Variants in TMEM114 observed in about 807,000 individuals in gnomAD.
TMEM114 encodes claudin-26.
A neutral mutation model predicts 6.2 loss-of-function variants in TMEM114; 6 were observed. That is an observed-to-expected ratio of 0.97 (90% CI 0.53 to 1.91). The LOEUF is 1.91. Ranked by LOEUF, TMEM114 falls within the 40% of genes most tolerant of loss-of-function variation. The pLI, the probability that TMEM114 is intolerant of heterozygous loss-of-function variation, is 0.01. For synonymous variants in TMEM114, 104 were observed against 73.0 expected, an observed-to-expected ratio of 1.42 and a Z score of -2.16; for missense variants, 218 against 158.3, an observed-to-expected ratio of 1.38 and a Z score of -2.02.
chr16:8,578,418 C>G (rs371696597), intron 2 of TMEM114, among the ~76,000 whole-genome samples: 1 of 152,164 alleles, frequency 6.6e-6, no homozygotes. Flanking sequence ...TCCATCCACA[C>G]GTGGCCACCT....
intron 2 of TMEM114, among the ~76,000 whole-genome samples, chr16:8,560,605 C>T (rs1233518262): frequency 6.6e-6 from 1 of 152,202 alleles, no homozygotes; most frequent in East Asian, 1.9e-4. Context: ...GATTCTGAGG[C>T]TGGAGTTCGA....
intron 2 of TMEM114, among the ~76,000 whole-genome samples, chr16:8,564,168 A>C (rs1901420518): frequency 6.6e-6 from 1 of 151,526 alleles, no homozygotes; most frequent in South Asian, 2.1e-4. Flanking sequence ...TGAATGAGTG[A>C]GTAAATGAGT....
At chr16:8,530,700 G>C in the TMEM114 span, among the ~76,000 whole-genome samples, 2 of 151,866 alleles carry the variant, frequency 1.3e-5, no homozygotes, top group African/African-American at 2.4e-5. Context: ...GGGAGGGAGA[G>C]AGAGAATTGG....
chr16:8,548,604 C>A (rs952595372), intron 2 of TMEM114, among the ~76,000 whole-genome samples: 1 of 151,566 alleles, frequency 6.6e-6, no homozygotes, highest in South Asian at 2.1e-4. Flanking sequence ...TTTTCACCCC[C>A]TAAGAGCAAA....
intron 2 of TMEM114, among the ~76,000 whole-genome samples, chr16:8,550,891 G>A (rs1054925777): frequency 2.6e-5 from 4 of 152,134 alleles, no homozygotes; most frequent in Admixed American, 2.6e-4. Context: ...CTCTCCTCCT[G>A]AGAGAACCGC....
chr16:8,555,526 G>T (rs532013394), intron 2 of TMEM114, among the ~76,000 whole-genome samples: 1 of 152,326 alleles, frequency 6.6e-6, no homozygotes, highest in East Asian at 1.9e-4. Context: ...TCTGGGTGTT[G>T]TCATGGCAAT....
intron 2 of TMEM114, among the ~76,000 whole-genome samples, chr16:8,564,004 AGTGAATGAGTAT>A (rs1353063290): frequency 1.3e-5 from 2 of 151,482 alleles, no homozygotes; most frequent in South Asian, 2.1e-4. Context: ...GGAATGAGTG[AGTGAATGAGTAT>A]GTGAATGAGT....
chr16:8,567,066 A>AATT (rs1045389642), downstream of TMEM114, among the ~76,000 whole-genome samples: 131 of 144,442 alleles, frequency 9.1e-4, no homozygotes, highest in South Asian at 4.2e-3. Context: ...ACAGCTGGCT[A>AATT]TTTTTTTTTT....
chr16:8,571,020 T>C (rs958392195), intron 3 of TMEM114, among the ~76,000 whole-genome samples: 2 of 152,064 alleles, frequency 1.3e-5, no homozygotes, highest in African/African-American at 4.8e-5. Flanking sequence ...TAATAGTGAG[T>C]GGTTAGAGGA....
downstream of TMEM114, among the ~76,000 whole-genome samples, chr16:8,535,701 A>C (rs1276867554): frequency 1.9e-4 from 29 of 152,186 alleles, no homozygotes; most frequent in Non-Finnish European, 2.9e-5. Context: ...TGGGAACGTC[A>C]CCTGCAAATT....
downstream of TMEM114, among the ~76,000 whole-genome samples, chr16:8,565,700 C>G (rs1008313602): frequency 4.6e-5 from 7 of 152,200 alleles, no homozygotes; most frequent in African/African-American, 1.7e-4. Context: ...GCAGGCCGGT[C>G]CGTTCACACA....
At chr16:8,539,121 C>T (rs1038825707) in intron 2 of TMEM114, among the ~76,000 whole-genome samples, 9 of 151,948 alleles carry the variant, frequency 5.9e-5, no homozygotes, top group African/African-American at 2.2e-4. Flanking sequence ...TTTGGGTGTT[C>T]GGTCACAATC....
chr16:8,543,381 T>C (rs1900571636), intron 2 of TMEM114, among the ~76,000 whole-genome samples: 1 of 152,048 alleles, frequency 6.6e-6, no homozygotes, highest in Non-Finnish European at 1.5e-5. Context: ...CACTTGCTTG[T>C]TACCTTGTCA....
At chr16:8,528,071 G>A in the TMEM114 span, among the ~76,000 whole-genome samples, 4 of 151,948 alleles carry the variant, frequency 2.6e-5, no homozygotes, top group African/African-American at 9.7e-5. Flanking sequence ...ACCATGCCCG[G>A]CTAAGTTTTG....
chr16:8,564,324 A>AT (rs1901437766), intron 2 of TMEM114, among the ~76,000 whole-genome samples: 2 of 149,840 alleles, frequency 1.3e-5, no homozygotes, highest in Non-Finnish European at 2.9e-5. Flanking sequence ...TGAATGAGTG[A>AT]GTTAGAGAAT....
Position 8,570,690 on chromosome 16 carries a change from G to T in TMEM114, c.440-685C>A, listed in dbSNP as rs570955897. 6.8e-4 allele frequency among the ~76,000 whole-genome samples: 103 copies of T among 152,228 alleles called. 1 individual carries two copies. The highest frequency in any genetic ancestry group is 3.0e-3 in the Admixed American group (46 of 15,302). On this transcript the variant is annotated intron_variant, in intron 3 of 3. Coordinates refer to ENST00000620492, the MANE Select transcript of TMEM114 (RefSeq NM_001146336.2). Reference sequence around the variant, plus strand: ...TCCAGAGGGCAGACATGCTCCTGTTGGTTTTGCTCATTTTCAATTCCCCAG... The same window carrying T: ...TCCAGAGGGCAGACATGCTCCTGTTTGTTTTGCTCATTTTCAATTCCCCAG...
chr16:8,563,577 A>ATGAGTGAGTGAATGAGTGTG (rs1555463758), intron 2 of TMEM114, among the ~76,000 whole-genome samples: 1 of 141,216 alleles, frequency 7.1e-6, no homozygotes, highest in East Asian at 2.2e-4. Flanking sequence ...GAGGGAGGAA[A>ATGAGTGAGTGAATGAGTGTG]TGAGTGAGTG....
chr16:8,553,794 C>G (rs1345958376), intron 2 of TMEM114, among the ~76,000 whole-genome samples: 2 of 151,760 alleles, frequency 1.3e-5, no homozygotes, highest in Admixed American at 6.6e-5. Context: ...CTCAGCTTTT[C>G]AAGTTCATTA....
At chr16:8,572,473 T>C (rs1567207362) in intron 2 of TMEM114, among the ~76,000 whole-genome samples, 1 of 152,144 alleles carries the variant, frequency 6.6e-6, no homozygotes, top group East Asian at 1.9e-4. Flanking sequence ...TCTTGCTCTG[T>C]CACTCAGGCT....
Sources: gnomAD v4.1 joint callset for allele counts (sites outside exome capture counted in the v4.1 genomes callset) on GRCh38, gnomAD v4.1.1 for gene constraint, MANE v1.5 for transcripts, NCBI Gene and HGNC (gene_info 2026-07-23, HGNC 2026-07-21) for gene names.